The following PLCXD1 variants were observed in gnomAD, a reference collection of about 807,000 sequenced individuals.
PLCXD1 encodes phosphatidylinositol specific phospholipase C X domain containing 1.
In PLCXD1, 45 loss-of-function variants were observed where a neutral mutation model predicts 37.8. The observed-to-expected ratio is 1.19, with a 90% CI of 0.94 to 1.53. PLCXD1 has a LOEUF of 1.53. Ranked by LOEUF, PLCXD1 falls within the 40% of genes most tolerant of loss-of-function variation. The probability of loss-of-function intolerance (pLI) is 0.00; values close to 1 mark genes in which losing one functional copy is unlikely to be tolerated. For synonymous variants in PLCXD1, 246 were observed against 206.9 expected (o/e 1.19, Z -1.62); for missense variants, 539 against 454.7 (o/e 1.19, Z -1.69).
rs752560538 is a variant in PLCXD1 at position 300,892 on chromosome X, G to A, written c.*1557G>A. The A allele has an allele frequency of 8.5e-5, 13 of 152,074 alleles. No individual in the cohort carries two copies. The highest frequency in any genetic ancestry group is 1.9e-4 in the East Asian group (1 of 5,162). 9.4% of individuals were successfully genotyped at this position (152,074 alleles called of 1,614,324 possible). On this transcript the variant is annotated 3_prime_UTR_variant, in exon 7 of 7. Coordinates refer to ENST00000381657, the MANE Select transcript of PLCXD1 (RefSeq NM_018390.4). ...CTAATTTCATATATTTAGTAGAGAC[G>A]GGGTTTCTCCGCGTTGGTCAGGCCG...
At position 291,665 on chromosome X, in the gene PLCXD1, G is replaced by A. The variant is rs753718387; in HGVS notation, c.549+11G>A. On this transcript the variant is annotated intron_variant, in intron 5 of 6. Transcript: ENST00000381657. ...CTGTGTCCTCGTGGGGTGAGGAGGG[G>A]AAGGATATCCGCACGTCTCTCCCGG... The A allele has an allele frequency of 4.3e-6, 7 of 1,611,936 alleles. No individual in the cohort carries two copies. The Admixed American group carries it at 1.2e-4, about 27-fold the overall frequency.
At chrX:288,684 G>T (rs752615297) in intron 2 of PLCXD1, 49 bp from the exon 3 acceptor site, 1 of 1,606,926 alleles carries the variant, frequency 6.2e-7, no homozygotes, top group African/African-American at 1.3e-5. Context: ...ACAGCAGGTG[G>T]CGGGGACGGA....
upstream of PLCXD1, among the ~76,000 whole-genome samples, chrX:280,362 C>A (rs1405286303): frequency 3.8e-3 from 179 of 47,430 alleles, 1 homozygote; most frequent in Middle Eastern, 0.013. Flanking sequence ...GGAAGGGGGG[C>A]CGTGCAGGGG....
rs755265322 is a variant in PLCXD1, at chrX:284,153, T to C, written c.-21-14T>C. The stretch of plus-strand genomic sequence containing the variant: ...TCACCGTAAAAAACCTCTTTTCCTC[T>C]TCTCCTTCCTCAGGTTGCCCAGGGC... On this transcript the variant is annotated splice_polypyrimidine_tract_variant and intron_variant, in intron 1 of 6. Transcript: ENST00000381657. 1.9e-6 allele frequency: 3 copies of C among 1,610,822 alleles called. No individual in the cohort carries two copies. The East Asian group carries it at 6.7e-5, about 36-fold the overall frequency.
rs1304798527 is a variant in PLCXD1, at chrX:288,750, A to G, written c.145A>G (p.Thr49Ala). 2 of 1,613,870 alleles carry G rather than the reference A, an allele frequency of 1.2e-6. No individual in the cohort carries two copies. The highest frequency in any genetic ancestry group is 1.7e-6 in the Non-Finnish European group (2 of 1,179,802). ...LSIPGSHDTM[T>A]YCLNKKSPIS... ...GCTCTCAGGGAGCCACGACACGATG[A>G]CGTACTGCCTGAACAAGAAGTCCCC... Residue 49 changes from threonine (T) to alanine (A), a missense_variant, in exon 3 of 7, where the codon ACG (threonine) becomes GCG (alanine). By Grantham distance (58) the Thr-to-Ala change is moderately conservative (BLOSUM62 0). Transcript: ENST00000381657.
chrX:300,493 T>A lies in PLCXD1; in HGVS notation c.*1158T>A, dbSNP rs2069975030. The A allele has an allele frequency of 7.3e-6, 1 of 136,590 alleles. No individual in the cohort carries two copies. The highest frequency in any genetic ancestry group is 1.6e-5 in the Non-Finnish European group (1 of 63,758). 8.5% of individuals were successfully genotyped at this position (136,590 alleles called of 1,614,324 possible). On this transcript the variant is annotated 3_prime_UTR_variant, in exon 7 of 7. Coordinates refer to ENST00000381657, the MANE Select transcript of PLCXD1 (RefSeq NM_018390.4). ...GTGTGTGTGTGTATATGTGTGTATGTGTGTATATATGTATATGTGTGCATA... is the reference window on the plus strand; with the variant it reads ...GTGTGTGTGTGTATATGTGTGTATGAGTGTATATATGTATATGTGTGCATA...
At position 299,969 on chromosome X, in the gene PLCXD1, C is replaced by T. The variant is rs181151425; in HGVS notation, c.*634C>T. The T allele has an allele frequency of 7.2e-4, 108 of 149,062 alleles. 1 individual carries two copies. Among genetic ancestry groups the T allele is most frequent in the Middle Eastern group, 3.6e-3 (1 of 276 alleles). 9.2% of individuals were successfully genotyped at this position (149,062 alleles called of 1,614,324 possible). On this transcript the variant is annotated 3_prime_UTR_variant, in exon 7 of 7. Coordinates refer to ENST00000381657, the MANE Select transcript of PLCXD1 (RefSeq NM_018390.4). ...TCAGGAGGCTGAGGCAGGAGAATGGCGTGAACCCGGGAGGTGGAGGTTGCA... is the reference window on the plus strand; with the variant it reads ...TCAGGAGGCTGAGGCAGGAGAATGGTGTGAACCCGGGAGGTGGAGGTTGCA...
chrX:284,658 GCA>G (rs35518868), intron 2 of PLCXD1, among the ~76,000 whole-genome samples: 81,803 of 151,460 alleles, frequency 0.54, 23,532 homozygotes, highest in Non-Finnish European at 0.64. Context: ...ATGCACATCT[GCA>G]CACACACATG....
intron 4 of PLCXD1, 38 bp from the exon 5 acceptor site, chrX:291,461 G>T (rs774913642): frequency 1.9e-6 from 3 of 1,608,784 alleles, no homozygotes; most frequent in Non-Finnish European, 2.5e-6. Context: ...TGTGGTGTTG[G>T]AGTCGTGCAG....
intron 6 of PLCXD1, among the ~76,000 whole-genome samples, chrX:294,995 C>T (rs931142860): frequency 7.9e-5 from 12 of 151,794 alleles, no homozygotes; most frequent in Non-Finnish European, 1.8e-4. Context: ...GGTGAAACCC[C>T]ATCTCTAGTA....
chrX:299,337 G>T lies in PLCXD1; in HGVS notation c.*2G>T. On this transcript the variant is annotated 3_prime_UTR_variant, in exon 7 of 7. Transcript: ENST00000381657. ...AATCAGAAGCTGCTGTGGTGCTGACGGGACCCTTCTGAAGTTCGGGACGCG... is the reference window on the plus strand; with the variant it reads ...AATCAGAAGCTGCTGTGGTGCTGACTGGACCCTTCTGAAGTTCGGGACGCG... 1 of 1,605,546 alleles carries T rather than the reference G, an allele frequency of 6.2e-7. No individual in the cohort carries two copies.
chrX:294,675 G>A (rs745317464), intron 6 of PLCXD1, among the ~76,000 whole-genome samples: 144 of 151,916 alleles, frequency 9.5e-4, no homozygotes, highest in African/African-American at 2.9e-3. Context: ...ATGGTGATGC[G>A]CGCCTATAAT....
At chrX:294,231 C>T (rs1419071428) in intron 6 of PLCXD1, among the ~76,000 whole-genome samples, 1 of 152,112 alleles carries the variant, frequency 6.6e-6, no homozygotes, top group African/African-American at 2.4e-5. Flanking sequence ...GCCTGTAATC[C>T]CAGCACTTCG....
intron 6 of PLCXD1, 33 bp from the exon 7 acceptor site, chrX:299,064 C>T: frequency 6.6e-7 from 1 of 1,508,100 alleles, no homozygotes; most frequent in Non-Finnish European, 9.2e-7. Flanking sequence ...AGGCCCGTGA[C>T]CGTGTAACCT....
chrX:286,534 A>G (rs2069456092), intron 2 of PLCXD1, among the ~76,000 whole-genome samples: 2 of 152,118 alleles, frequency 1.3e-5, no homozygotes, highest in Non-Finnish European at 2.9e-5. Context: ...TCACATCTTA[A>G]GAGCCGAGCT....
chrX:283,566 G>C, intron 1 of PLCXD1: 1 of 149,818 alleles, frequency 6.7e-6, no homozygotes, highest in Non-Finnish European at 1.5e-5. Context: ...GGGCGGCCTT[G>C]GTGTCAGGCC....
chrX:295,669 C>T (rs1366147734), intron 6 of PLCXD1, among the ~76,000 whole-genome samples: 7 of 151,194 alleles, frequency 4.6e-5, no homozygotes, highest in East Asian at 2.0e-4. Context: ...GGACTACAGG[C>T]GCCCGCCACC....
chrX:291,530 A>C lies in PLCXD1; in HGVS notation c.425A>C (p.Glu142Ala). 6.2e-7 allele frequency: 1 copy of C among 1,610,478 alleles called. No individual in the cohort carries two copies. Among genetic ancestry groups the C allele is most frequent in the Non-Finnish European group, 8.5e-7 (1 of 1,179,346 alleles). Residue 142 changes from glutamate (E) to alanine (A), a missense_variant, in exon 5 of 7, where the codon GAG (glutamate) becomes GCG (alanine). Physicochemically the swap from Glu to Ala is moderately radical, Grantham distance 107. Coordinates refer to ENST00000381657, the MANE Select transcript of PLCXD1 (RefSeq NM_018390.4). ...DTLTEISEWL[E>A]RHPREVVILA... ...CTCACGGAAATCTCGGAGTGGCTGG[A>C]GCGGCATCCACGCGAGGTGGTCATC...
At chrX:278,105 C>T (rs1370746515), upstream of PLCXD1, among the ~76,000 whole-genome samples, 1 of 107,840 alleles carries the variant, frequency 9.3e-6, no homozygotes. Context: ...CTCAGGAGGA[C>T]ATGGGGACAG....
Sources: allele counts gnomAD v4.1 joint callset (sites outside exome capture counted in the v4.1 genomes callset), GRCh38; gene constraint gnomAD v4.1.1; transcripts MANE v1.5; gene names NCBI Gene and HGNC (gene_info 2026-07-23, HGNC 2026-07-21).